The following ARF4 variants were observed in gnomAD, a reference collection of about 807,000 sequenced individuals.
ARF4 encodes the protein ADP-ribosylation factor 4.
In ARF4, 5 loss-of-function variants were observed where a neutral mutation model predicts 24.3. The ratio of observed to expected loss-of-function variants is 0.21; its 90% CI spans 0.11 to 0.43. ARF4 has a LOEUF of 0.43. ARF4 is among the 20% of genes least tolerant of loss of function. The pLI is 1.00. For missense variants in ARF4, 107 were observed against 213.0 expected, an observed-to-expected ratio of 0.50 and a Z score of 3.10; for synonymous variants, 62 against 73.5, an observed-to-expected ratio of 0.84 and a Z score of 0.80.
chr3:57,577,470 A>C, intron 3 of ARF4, 83 bp from the exon 4 acceptor site: 2 of 1,007,290 alleles, frequency 2.0e-6, no homozygotes, highest in Non-Finnish European at 3.1e-6. Flanking sequence ...AATGGTACCA[A>C]TGGTTAGACA....
intron 5 of ARF4, among the ~76,000 whole-genome samples, chr3:57,573,727 A>G (rs377590611): frequency 7.2e-5 from 11 of 151,778 alleles, no homozygotes; most frequent in African/African-American, 2.4e-4. Context: ...GGTTACACAC[A>G]TGCACCACCA....
At chr3:57,595,952 CAAA>C (rs1418504496) in intron 1 of ARF4, among the ~76,000 whole-genome samples, 3 of 129,652 alleles carry the variant, frequency 2.3e-5, no homozygotes, top group Admixed American at 7.9e-5. Context: ...ACTCCGTCTG[CAAA>C]AAAAAAAAAG....
chr3:57,591,377 G>A (rs957126569), intron 1 of ARF4, among the ~76,000 whole-genome samples: 2 of 151,356 alleles, frequency 1.3e-5, no homozygotes, highest in African/African-American at 4.9e-5. Context: ...AAGAAATGAG[G>A]TGCTTATGTG....
At chr3:57,581,668 C>T (rs1486640876) in intron 3 of ARF4, among the ~76,000 whole-genome samples, 3 of 152,072 alleles carry the variant, frequency 2.0e-5, no homozygotes, top group Non-Finnish European at 4.4e-5. Context: ...GGTGTGGTGG[C>T]GCATGCCTGA....
At chr3:57,592,566 AACT>A (rs2070128231) in intron 1 of ARF4, among the ~76,000 whole-genome samples, 1 of 152,166 alleles carries the variant, frequency 6.6e-6, no homozygotes, top group South Asian at 2.1e-4. Flanking sequence ...GAAAAATGTG[AACT>A]TAGGTTCTGC....
In ARF4 at chr3:57,571,975, T is replaced by C. The variant is rs570666992; in HGVS notation, c.*237A>G. On this transcript the variant is annotated 3_prime_UTR_variant, in exon 6 of 6. Coordinates refer to ENST00000303436, the MANE Select transcript of ARF4 (RefSeq NM_001660.4). ...AGCTATGTCCAGGCATTTACGCTTA[T>C]GGGAAGTAAAATTAAAAGAGGATAC... The C allele has an allele frequency of 4.0e-5, 18 of 454,060 alleles. No individual in the cohort carries two copies. In the South Asian group the frequency reaches 5.0e-4, roughly 13 times the overall value. The allele number at this position is 454,060 out of a possible 1,614,324, so 28.1% of individuals were successfully genotyped here.
At chr3:57,591,126 GA>G (rs1371788718) in intron 1 of ARF4, among the ~76,000 whole-genome samples, 2 of 152,122 alleles carry the variant, frequency 1.3e-5, no homozygotes, top group African/African-American at 4.8e-5. Context: ...TGCTAGTGGG[GA>G]TGTAAACGAG....
intron 1 of ARF4, among the ~76,000 whole-genome samples, chr3:57,596,410 C>T (rs1389654189): frequency 6.6e-6 from 1 of 152,074 alleles, no homozygotes; most frequent in Non-Finnish European, 1.5e-5. Flanking sequence ...TGAAAATAGT[C>T]AAAGAAATAG....
chr3:57,577,777 C>G (rs2069924339), intron 3 of ARF4, among the ~76,000 whole-genome samples: 1 of 152,098 alleles, frequency 6.6e-6, no homozygotes, highest in African/African-American at 2.4e-5. Context: ...GGCATGGTGG[C>G]TCATCCTGTA....
chr3:57,585,611 A>T (rs1489898153), intron 1 of ARF4, among the ~76,000 whole-genome samples: 1 of 152,140 alleles, frequency 6.6e-6, no homozygotes, highest in African/African-American at 2.4e-5. Context: ...AACTTAAAGT[A>T]TAATAATAAA....
At chr3:57,580,687 C>T (rs1030632650) in intron 3 of ARF4, among the ~76,000 whole-genome samples, 26 of 152,092 alleles carry the variant, frequency 1.7e-4, no homozygotes, top group Admixed American at 1.1e-3. Flanking sequence ...AGCCATAGCA[C>T]CCGGTCCTGA....
chr3:57,574,147 G>A (rs1399215113), intron 5 of ARF4, among the ~76,000 whole-genome samples: 1 of 151,348 alleles, frequency 6.6e-6, no homozygotes, highest in Admixed American at 6.6e-5. Flanking sequence ...CATCATCTTG[G>A]CCATGTTGGT....
At chr3:57,580,252 T>C (rs994663204) in intron 3 of ARF4, among the ~76,000 whole-genome samples, 1 of 152,192 alleles carries the variant, frequency 6.6e-6, no homozygotes, top group African/African-American at 2.4e-5. Flanking sequence ...ACTAACTTCA[T>C]AAGCTTGTTA....
At chr3:57,572,981 T>C (rs537899215) in intron 5 of ARF4, among the ~76,000 whole-genome samples, 87 of 152,104 alleles carry the variant, frequency 5.7e-4, no homozygotes, top group African/African-American at 1.9e-3. Context: ...GGCGGATGGA[T>C]CATGAGGTCA....
chr3:57,584,325 C>T, intron 2 of ARF4, 59 bp downstream of exon 2: 1 of 1,336,534 alleles, frequency 7.5e-7, no homozygotes, highest in South Asian at 1.2e-5. Flanking sequence ...CAAAACTAGA[C>T]TGTATATATT....
rs1263174090 is a variant in ARF4 at position 57,577,460 on chromosome 3, A to C, written c.259-73T>G. The stretch of plus-strand genomic sequence containing the variant: ...CTATATGAAACAGTGTAGGCAGCAA[A>C]ATGGTACCAATGGTTAGACATTAGG... On this transcript the variant is annotated intron_variant, in intron 3 of 5. Transcript: ENST00000303436. The C allele has an allele frequency of 6.3e-6, 7 of 1,118,564 alleles. No homozygotes were observed. In the African/African-American group the frequency reaches 1.1e-4, roughly 17 times the overall value. 69.3% of individuals were successfully genotyped at this position (1,118,564 alleles called of 1,614,324 possible).
chr3:57,583,857 AC>A (rs1660684269), intron 3 of ARF4, 40 bp downstream of exon 3: 1 of 1,383,658 alleles, frequency 7.2e-7, no homozygotes, highest in Admixed American at 1.9e-5. Flanking sequence ...AGAGCATGAA[AC>A]CCACAAAGAA....
At chr3:57,575,208 C>T (rs1309517734) in intron 5 of ARF4, among the ~76,000 whole-genome samples, 1 of 150,990 alleles carries the variant, frequency 6.6e-6, no homozygotes, top group East Asian at 1.9e-4. Flanking sequence ...ATAAGAAAGC[C>T]AGATTTCAAA....
intron 1 of ARF4, among the ~76,000 whole-genome samples, chr3:57,590,119 A>ATAAATAAAT (rs1224941524): frequency 6.8e-6 from 1 of 147,226 alleles, no homozygotes; most frequent in Non-Finnish European, 1.5e-5. Flanking sequence ...AAATAAATAA[A>ATAAATAAAT]TAAATAAATA....
Sources: allele counts gnomAD v4.1 joint callset (sites outside exome capture counted in the v4.1 genomes callset), GRCh38; gene constraint gnomAD v4.1.1; transcripts MANE v1.5; gene names NCBI Gene and HGNC (gene_info 2026-07-23, HGNC 2026-07-21).